The following DNAH17 variants were observed in gnomAD, a reference collection of about 807,000 sequenced individuals.
DNAH17 encodes dynein axonemal heavy chain 17, also known as axonemal beta dynein heavy chain 17.
In DNAH17, 376 loss-of-function variants were observed where a neutral mutation model predicts 485.6. The observed-to-expected ratio is 0.77, with a 90% CI of 0.71 to 0.84. The LOEUF is 0.84. DNAH17 is among the 40% of genes least tolerant of loss of function. The pLI, the probability that DNAH17 is intolerant of heterozygous loss-of-function variation, is 0.00. For synonymous variants in DNAH17, 3,031 were observed against 2,405.9 expected (o/e 1.26, Z -7.60); for missense variants, 6,370 against 5,839.3 (o/e 1.09, Z -2.96).
rs556199380 is a variant in DNAH17, at chr17:78,541,575, T to A, written c.2533-1695A>T. Among the ~76,000 whole-genome samples, 4 of 152,148 alleles carry A rather than the reference T, an allele frequency of 2.6e-5. No individual in the cohort carries two copies. The East Asian group carries it at 7.8e-4, about 29-fold the overall frequency. On this transcript the variant is annotated intron_variant, in intron 17 of 80. Transcript: ENST00000389840. ...AAAGAAATGGCTCTAATGACTGTCA[T>A]GAGAGTAGCCATACGTGGTGACAGA...
intron 74 of DNAH17, among the ~76,000 whole-genome samples, chr17:78,434,805 TC>T (rs1288542502): frequency 3.9e-5 from 6 of 152,202 alleles, no homozygotes; most frequent in African/African-American, 1.4e-4. Flanking sequence ...ACGTAGTGAC[TC>T]CTGAACACAC....
At chr17:78,532,423 T>C (rs1384509789) in intron 20 of DNAH17, 59 bp downstream of exon 20, 1 of 1,532,456 alleles carries the variant, frequency 6.5e-7, no homozygotes. Context: ...GCAAGCCTGG[T>C]GATCCTCTCC....
chr17:78,533,173 A>C, intron 19 of DNAH17: 1 of 189,074 alleles, frequency 5.3e-6, no homozygotes, highest in Non-Finnish European at 1.1e-5. Context: ...ACATTGATTC[A>C]TTCATTCGAT....
At position 78,455,501 on chromosome 17, in the gene DNAH17, A is replaced by T. The variant is rs377267653; in HGVS notation, c.10170+143T>A. ...CACCAAGCCTGGCTAATTTTTTTTT[A>T]AATTTAATAGAGATGGGGTTTCACC... On this transcript the variant is annotated intron_variant, in intron 63 of 80. Transcript: ENST00000389840. The T allele has an allele frequency of 1.5e-3, 856 of 580,796 alleles. 8 individuals carry two copies. The African/African-American group carries it at 0.015, about 10-fold the overall frequency. 36.0% of individuals were successfully genotyped at this position (580,796 alleles called of 1,614,324 possible).
intron 16 of DNAH17, among the ~76,000 whole-genome samples, chr17:78,545,270 CTTTT>C (rs773006762): frequency 2.0e-5 from 3 of 152,144 alleles, no homozygotes; most frequent in Non-Finnish European, 2.9e-5. Flanking sequence ...GAAGGATTTC[CTTTT>C]TTTATTAGCA....
chr17:78,534,899 C>T (rs925480169), intron 19 of DNAH17, among the ~76,000 whole-genome samples: 1 of 152,176 alleles, frequency 6.6e-6, no homozygotes, highest in South Asian at 2.1e-4. Flanking sequence ...TGGGAAGCAT[C>T]CCTTGGGTAC....
In DNAH17 at chr17:78,500,356, G is replaced by A. The variant is rs1488670212; in HGVS notation, c.5589C>T (p.Ala1863=). 1.9e-6 allele frequency: 3 copies of A among 1,612,732 alleles called. No individual in the cohort carries two copies. The highest frequency in any genetic ancestry group is 2.5e-6 in the Non-Finnish European group (3 of 1,179,536). Residue 1863 remains alanine (A), a synonymous_variant, in exon 36 of 81, where the codon GCC becomes GCT. Transcript: ENST00000389840. ...TGAAGACGTAGACCATGGTGCCCAG[G>A]GCTCTGCCCAGGTCCTTGGTCGTCT... ...KTETTKDLGR[A]LGTMVYVFNC... is the part of the protein sequence containing the mutation.
At chr17:78,501,035 G>A in intron 35 of DNAH17, 149 bp downstream of exon 35, 3 of 910,998 alleles carry the variant, frequency 3.3e-6, no homozygotes, top group Non-Finnish European at 4.7e-6. Context: ...AGGACACAGT[G>A]GTAGAACTGA....
At chr17:78,477,701 G>A (rs1475860452) in intron 51 of DNAH17, among the ~76,000 whole-genome samples, 1 of 152,170 alleles carries the variant, frequency 6.6e-6, no homozygotes, top group African/African-American at 2.4e-5. Context: ...CGTGGGAGGA[G>A]GTGGGCATAA....
intron 54 of DNAH17, among the ~76,000 whole-genome samples, chr17:78,473,718 G>C (rs529442464): frequency 6.6e-6 from 1 of 152,162 alleles, no homozygotes; most frequent in African/African-American, 2.4e-5. Context: ...CCAACAGGAA[G>C]GATCAGGGAG....
Position 78,468,755 on chromosome 17 carries a change from C to G in DNAH17, c.8640G>C (p.Glu2880Asp). ...VLINDLLASG[E>D]IPGLFMEDEV... Reference sequence around the variant, plus strand: ...CGTCCTCCATAAACAGCCCAGGGATCTCTCCTGAGGCCAGCAGGTCATTGA... The same window carrying G: ...CGTCCTCCATAAACAGCCCAGGGATGTCTCCTGAGGCCAGCAGGTCATTGA... The change falls in exon 55 of 81, where the codon GAG becomes GAC. Residue 2880 changes from glutamate (E) to aspartate (D), a missense_variant. Glu to Asp is a conservative substitution (Grantham distance 45, BLOSUM62 2). Transcript: ENST00000389840. The G allele has an allele frequency of 6.2e-7, 1 of 1,614,074 alleles. No homozygotes were observed. The highest frequency in any genetic ancestry group is 8.5e-7 in the Non-Finnish European group (1 of 1,179,914).
chr17:78,446,474 T>A (rs754942664), intron 69 of DNAH17, among the ~76,000 whole-genome samples: 6 of 152,150 alleles, frequency 3.9e-5, no homozygotes, highest in Non-Finnish European at 5.9e-5. Context: ...CTGAGGTTCA[T>A]CCATATTGTA....
chr17:78,443,387 C>T (rs139261739), intron 71 of DNAH17, among the ~76,000 whole-genome samples: 2 of 152,300 alleles, frequency 1.3e-5, no homozygotes, highest in Non-Finnish European at 1.5e-5. Context: ...GGCATTCTCC[C>T]TGGACCTCGC....
rs1299016471 is a variant in DNAH17, at chr17:78,452,393, A to G, written c.10530-720T>C. Among the ~76,000 whole-genome samples, 4 of 152,168 alleles carry G rather than the reference A, an allele frequency of 2.6e-5. No individual in the cohort carries two copies. The East Asian group carries it at 7.7e-4, about 29-fold the overall frequency. ...ACACGTGGAAAATGATTCTGCCATC[A>G]AGAGGAATGAAGGACTGACACATGC... is the stretch of plus-strand genomic sequence containing the variant. On this transcript the variant is annotated intron_variant, in intron 65 of 80. Transcript: ENST00000389840.
intron 43 of DNAH17, among the ~76,000 whole-genome samples, chr17:78,491,092 C>T (rs2089831974): frequency 6.6e-6 from 1 of 152,218 alleles, no homozygotes. Context: ...CTTTCTCAAA[C>T]CATCACCCCT....
intron 16 of DNAH17, among the ~76,000 whole-genome samples, chr17:78,544,757 C>T (rs143003569): frequency 0.15 from 21,311 of 139,686 alleles, 1,692 homozygotes; most frequent in South Asian, 0.21. Flanking sequence ...GCCGAGATCA[C>T]GCCACTCCAC....
At chr17:78,551,750 T>A in intron 15 of DNAH17, 112 bp from the exon 16 acceptor site, 4 of 979,442 alleles carry the variant, frequency 4.1e-6, no homozygotes, top group Non-Finnish European at 6.3e-6. Context: ...AATCACGAGG[T>A]CGGGAGTTCG....
intron 18 of DNAH17, among the ~76,000 whole-genome samples, chr17:78,538,096 T>A (rs6501228): frequency 2.0e-5 from 3 of 147,568 alleles, no homozygotes; most frequent in African/African-American, 7.5e-5. Flanking sequence ...GCTGAGATTG[T>A]GCCATTGCAC....
chr17:78,460,198 C>T lies in DNAH17; in HGVS notation c.9399G>A (p.Leu3133=). Residue 3133 remains leucine, a synonymous_variant, in exon 59 of 81, where the codon CTG becomes CTA. Transcript: ENST00000389840. The stretch of plus-strand genomic sequence containing the variant: ...TGTCCAGAGCCTCCTGGGCTGCCAG[C>T]AGGGCCGGTTCTGCTTTGGCCAGGT... ...ETDLAKAEPA[L]LAAQEALDTL... 1 of 1,609,342 alleles carries T rather than the reference C, an allele frequency of 6.2e-7. No individual in the cohort carries two copies. The highest frequency in any genetic ancestry group is 8.5e-7 in the Non-Finnish European group (1 of 1,177,588).
Sources: gnomAD v4.1 joint callset for allele counts (sites outside exome capture counted in the v4.1 genomes callset) on GRCh38, gnomAD v4.1.1 for gene constraint, MANE v1.5 for transcripts, NCBI Gene and HGNC (gene_info 2026-07-23, HGNC 2026-07-21) for gene names.